NUP37: variants seen among roughly 807,000 people sequenced by gnomAD.
NUP37 encodes the protein nucleoporin Nup37.
Under a neutral mutation model 45.4 loss-of-function variants are expected in NUP37, and 33 were observed. The ratio of observed to expected loss-of-function variants is 0.73; its 90% CI spans 0.55 to 0.97. NUP37 has a LOEUF of 0.97. NUP37 is among the 50% of genes least tolerant of loss of function. The probability of loss-of-function intolerance (pLI) is 0.00; values close to 1 mark genes in which losing one functional copy is unlikely to be tolerated. For missense variants in NUP37, 365 were observed against 389.7 expected (o/e 0.94, Z 0.53); for synonymous variants, 127 against 130.7 (o/e 0.97, Z 0.19).
intron 3 of NUP37, among the ~76,000 whole-genome samples, chr12:102,102,650 G>A (rs1479976559): frequency 6.6e-6 from 1 of 152,110 alleles, no homozygotes; most frequent in Non-Finnish European, 1.5e-5. Context: ...TGTGCTTTTA[G>A]GGTCAGATCC....
At chr12:102,076,201 G>A (rs1879161868) in intron 8 of NUP37, among the ~76,000 whole-genome samples, 4 of 152,072 alleles carry the variant, frequency 2.6e-5, no homozygotes, top group Admixed American at 6.5e-5. Flanking sequence ...ACATTTAGTC[G>A]AATGTATTTT....
intron 3 of NUP37, among the ~76,000 whole-genome samples, chr12:102,104,843 A>C (rs1880080879): frequency 6.6e-6 from 1 of 152,226 alleles, no homozygotes; most frequent in Admixed American, 6.5e-5. Flanking sequence ...TGTTTTGATT[A>C]CTGTATAGCA....
intron 5 of NUP37, among the ~76,000 whole-genome samples, chr12:102,093,471 A>G (rs1879716626): frequency 6.6e-6 from 1 of 152,090 alleles, no homozygotes; most frequent in Non-Finnish European, 1.5e-5. Context: ...ACATTTAAAA[A>G]TAAACTTCAA....
chr12:102,094,130 A>G (rs1283448552), intron 5 of NUP37, among the ~76,000 whole-genome samples: 1 of 152,124 alleles, frequency 6.6e-6, no homozygotes, highest in Non-Finnish European at 1.5e-5. Context: ...AACGACAAAG[A>G]ATCTCTATGT....
At chr12:102,106,686 G>C (rs1880166342) in intron 3 of NUP37, among the ~76,000 whole-genome samples, 1 of 151,908 alleles carries the variant, frequency 6.6e-6, no homozygotes. Flanking sequence ...CTTTGATTTG[G>C]GACATTACAG....
chr12:102,077,918 T>TA (rs1200853061), intron 6 of NUP37, among the ~76,000 whole-genome samples: 1 of 152,066 alleles, frequency 6.6e-6, no homozygotes, highest in East Asian at 1.9e-4. Flanking sequence ...GTTCCAAGAA[T>TA]GTCAGATAAG....
chr12:102,119,155 T>G (rs1880614632), intron 1 of NUP37: 1 of 152,154 alleles, frequency 6.6e-6, no homozygotes. Context: ...AGACCACAGT[T>G]TAGGGATAGT....
chr12:102,104,865 T>C (rs571797007), intron 3 of NUP37, among the ~76,000 whole-genome samples: 6 of 152,360 alleles, frequency 3.9e-5, no homozygotes, highest in African/African-American at 1.2e-4. Flanking sequence ...TGCGATACGA[T>C]TTGAAATAAA....
chr12:102,084,739 GAGGACTGTGGGAGCCTA>G (rs1879420942), intron 6 of NUP37, among the ~76,000 whole-genome samples: 1 of 151,306 alleles, frequency 6.6e-6, no homozygotes, highest in African/African-American at 2.4e-5. Flanking sequence ...GAAGACATTA[GAGGACTGTGGGAGCCTA>G]AGGAACTACC....
chr12:102,118,713 G>T (rs1451191651), intron 1 of NUP37, 130 bp from the exon 2 acceptor site: 5 of 503,374 alleles, frequency 9.9e-6, no homozygotes, highest in African/African-American at 7.8e-5. Flanking sequence ...ACTTATCAAG[G>T]GACAGAAACT....
At chr12:102,085,927 A>C in intron 5 of NUP37, 71 bp from the exon 6 acceptor site, 1 of 697,268 alleles carries the variant, frequency 1.4e-6, no homozygotes, top group Non-Finnish European at 2.4e-6. Flanking sequence ...AATTTCCATG[A>C]ATTTATTCAA....
chr12:102,092,574 C>T (rs551872576), intron 5 of NUP37, among the ~76,000 whole-genome samples: 2 of 152,216 alleles, frequency 1.3e-5, no homozygotes, highest in East Asian at 1.9e-4. Flanking sequence ...AAGGGTAAGT[C>T]GTGGTGTATT....
intron 5 of NUP37, among the ~76,000 whole-genome samples, chr12:102,091,513 A>G (rs887643330): frequency 6.6e-6 from 1 of 152,066 alleles, no homozygotes; most frequent in African/African-American, 2.4e-5. Context: ...CTCAAAGCAT[A>G]AAAGTATAGA....
intron 3 of NUP37, among the ~76,000 whole-genome samples, chr12:102,108,036 T>C (rs1005464487): frequency 1.3e-5 from 2 of 152,192 alleles, no homozygotes; most frequent in Admixed American, 6.5e-5. Context: ...ATATACTCTG[T>C]GATGGTTAAT....
intron 3 of NUP37, among the ~76,000 whole-genome samples, chr12:102,108,098 G>A (rs73185922): frequency 0.039 from 5,962 of 152,244 alleles, 166 homozygotes; most frequent in African/African-American, 0.072. Context: ...GGTTCTGGGT[G>A]TATCTGGGTG....
At chr12:102,096,331 T>C (rs1354532673) in intron 5 of NUP37, among the ~76,000 whole-genome samples, 1 of 152,158 alleles carries the variant, frequency 6.6e-6, no homozygotes, top group Non-Finnish European at 1.5e-5. Flanking sequence ...TCTATCATCT[T>C]CCATAATAAC....
intron 3 of NUP37, among the ~76,000 whole-genome samples, chr12:102,107,227 A>G (rs1880180414): frequency 6.6e-6 from 1 of 152,200 alleles, no homozygotes; most frequent in Admixed American, 6.5e-5. Flanking sequence ...TAACAATGGC[A>G]ACACGTTAAG....
chr12:102,080,319 G>A lies in NUP37; in HGVS notation c.541-2816C>T, dbSNP rs564213459. 3.9e-5 allele frequency among the ~76,000 whole-genome samples: 6 copies of A among 152,312 alleles called. No individual in the cohort carries two copies. The East Asian group carries it at 9.6e-4, about 24-fold the overall frequency. On this transcript the variant is annotated intron_variant, in intron 6 of 9. Coordinates refer to ENST00000552283, the MANE Select transcript of NUP37 (RefSeq NM_024057.4). ...CACTTGTAGTCCCAGATACTCAGGA[G>A]GCTGAGGCAGGAGGATCACTTGAGC...
At chr12:102,096,710 C>T (rs1263076641) in intron 5 of NUP37, among the ~76,000 whole-genome samples, 1 of 152,104 alleles carries the variant, frequency 6.6e-6, no homozygotes, top group East Asian at 1.9e-4. Flanking sequence ...TTGTAAGAAT[C>T]TTACATTATC....
Sources: gnomAD v4.1 joint callset for allele counts (sites outside exome capture counted in the v4.1 genomes callset) on GRCh38, gnomAD v4.1.1 for gene constraint, MANE v1.5 for transcripts, NCBI Gene and HGNC (gene_info 2026-07-23, HGNC 2026-07-21) for gene names.